SPOCK3: variants seen among roughly 807,000 people sequenced by gnomAD.
SPOCK3 encodes testican-3.
A neutral mutation model predicts 56.6 loss-of-function variants in SPOCK3; 30 were observed. The ratio of observed to expected loss-of-function variants is 0.53; its 90% CI spans 0.40 to 0.72. SPOCK3 has a LOEUF of 0.72. SPOCK3 is among the 30% of genes least tolerant of loss of function. SPOCK3 has a pLI of 0.00. For synonymous variants in SPOCK3, 196 were observed against 183.3 expected, an observed-to-expected ratio of 1.07 and a Z score of -0.56; for missense variants, 527 against 530.0, an observed-to-expected ratio of 0.99 and a Z score of 0.06.
chr4:166,872,677 G>A (rs1732609670), intron 6 of SPOCK3, among the ~76,000 whole-genome samples: 1 of 152,176 alleles, frequency 6.6e-6, no homozygotes, highest in East Asian at 1.9e-4. Flanking sequence ...ACATCACTAA[G>A]TGAAAGGAGC....
intron 4 of SPOCK3, among the ~76,000 whole-genome samples, chr4:166,930,792 A>G (rs1739658575): frequency 6.6e-6 from 1 of 152,168 alleles, no homozygotes; most frequent in Non-Finnish European, 1.5e-5. Context: ...AGAATATTAC[A>G]TTTTTAATAA....
chr4:167,071,868 A>T (rs1224847021), intron 2 of SPOCK3, among the ~76,000 whole-genome samples: 1 of 152,036 alleles, frequency 6.6e-6, no homozygotes, highest in Non-Finnish European at 1.5e-5. Context: ...ATTTCTCCAC[A>T]TCCTCTCCAG....
chr4:166,914,939 CT>C (rs950677984), intron 4 of SPOCK3, among the ~76,000 whole-genome samples: 12 of 151,632 alleles, frequency 7.9e-5, no homozygotes, highest in East Asian at 1.9e-4. Context: ...TGTTCATATT[CT>C]TTTTTTTATT....
At chr4:166,972,995 C>T (rs1745551286) in intron 4 of SPOCK3, among the ~76,000 whole-genome samples, 1 of 151,994 alleles carries the variant, frequency 6.6e-6, no homozygotes, top group Non-Finnish European at 1.5e-5. Context: ...TATCGTTCGG[C>T]TCTGTTTACC....
At chr4:166,865,076 T>A (rs908228924) in intron 6 of SPOCK3, among the ~76,000 whole-genome samples, 1 of 152,128 alleles carries the variant, frequency 6.6e-6, no homozygotes, top group Non-Finnish European at 1.5e-5. Flanking sequence ...ATCAAAAAGC[T>A]TATCCACCAC....
intron 5 of SPOCK3, among the ~76,000 whole-genome samples, chr4:166,908,194 A>G (rs1371586515): frequency 6.6e-6 from 1 of 151,738 alleles, no homozygotes. Context: ...TTATAGTAGC[A>G]TGTTGAAACT....
At chr4:167,206,960 C>A (rs1373267970) in intron 2 of SPOCK3, among the ~76,000 whole-genome samples, 2 of 151,542 alleles carry the variant, frequency 1.3e-5, no homozygotes, top group African/African-American at 4.8e-5. Flanking sequence ...TGGAATGTTC[C>A]CAACACAAAA....
chr4:167,175,856 T>C (rs1056727113), intron 2 of SPOCK3, among the ~76,000 whole-genome samples: 1 of 152,162 alleles, frequency 6.6e-6, no homozygotes, highest in African/African-American at 2.4e-5. Context: ...AATACAATAC[T>C]ATCAATAATA....
chr4:166,825,865 A>C (rs894700396), intron 6 of SPOCK3, among the ~76,000 whole-genome samples: 11 of 152,042 alleles, frequency 7.2e-5, no homozygotes, highest in Non-Finnish European at 1.3e-4. Context: ...CATAAGAACA[A>C]TAGAACGGAC....
At chr4:167,210,080 GA>G (rs1561327620) in intron 2 of SPOCK3, among the ~76,000 whole-genome samples, 1 of 152,276 alleles carries the variant, frequency 6.6e-6, no homozygotes, top group East Asian at 1.9e-4. Context: ...GCAGGTTTTG[GA>G]AATAACTTCA....
At chr4:166,857,225 C>A (rs955011981) in intron 6 of SPOCK3, among the ~76,000 whole-genome samples, 1 of 152,204 alleles carries the variant, frequency 6.6e-6, no homozygotes, top group Non-Finnish European at 1.5e-5. Context: ...ATAGCATGGT[C>A]TTCACTCAAC....
At chr4:166,830,056 C>T (rs1439920021) in intron 6 of SPOCK3, among the ~76,000 whole-genome samples, 1 of 152,096 alleles carries the variant, frequency 6.6e-6, no homozygotes, top group Non-Finnish European at 1.5e-5. Flanking sequence ...TCACTGTCTT[C>T]AGACTAAATA....
chr4:167,049,300 G>C (rs191014161), intron 3 of SPOCK3, among the ~76,000 whole-genome samples: 2 of 151,734 alleles, frequency 1.3e-5, no homozygotes, highest in African/African-American at 4.8e-5. Context: ...AAGTAAAGTG[G>C]GTACAATACT....
chr4:166,765,356 T>C (rs2126531941), intron 7 of SPOCK3, among the ~76,000 whole-genome samples: 1 of 152,352 alleles, frequency 6.6e-6, no homozygotes, highest in Non-Finnish European at 1.5e-5. Context: ...CTTGAATTAA[T>C]TTTTGTATAA....
chr4:166,823,264 C>T (rs760404079), intron 6 of SPOCK3, among the ~76,000 whole-genome samples: 2 of 151,940 alleles, frequency 1.3e-5, no homozygotes, highest in Admixed American at 1.3e-4. Flanking sequence ...TCCCTTTTCT[C>T]TACTATTTTC....
intron 2 of SPOCK3, among the ~76,000 whole-genome samples, chr4:167,120,825 T>C (rs1007944447): frequency 1.1e-4 from 17 of 152,094 alleles, no homozygotes; most frequent in Admixed American, 7.2e-4. Flanking sequence ...TTTAGAAAGG[T>C]TATTTTAAAA....
chr4:166,965,641 A>G (rs1579828852), intron 4 of SPOCK3, among the ~76,000 whole-genome samples: 1 of 151,776 alleles, frequency 6.6e-6, no homozygotes, highest in East Asian at 1.9e-4. Flanking sequence ...TACTTTATCA[A>G]GTCTGAAAAA....
At chr4:166,749,997 G>A (rs997698133) in intron 8 of SPOCK3, among the ~76,000 whole-genome samples, 3 of 152,056 alleles carry the variant, frequency 2.0e-5, no homozygotes, top group African/African-American at 4.8e-5. Context: ...GTGCATTTGA[G>A]TCTATACCTG....
At chr4:167,085,340 G>A (rs1001253249) in intron 2 of SPOCK3, among the ~76,000 whole-genome samples, 34 of 152,006 alleles carry the variant, frequency 2.2e-4, no homozygotes, top group African/African-American at 8.2e-4. Flanking sequence ...TATCAAATTG[G>A]ACTGATCTCT....
Sources: gnomAD v4.1 joint callset for allele counts (sites outside exome capture counted in the v4.1 genomes callset) on GRCh38, gnomAD v4.1.1 for gene constraint, MANE v1.5 for transcripts, NCBI Gene and HGNC (gene_info 2026-07-23, HGNC 2026-07-21) for gene names.